SORCS2: variants seen among roughly 807,000 people sequenced by gnomAD.
The protein encoded by SORCS2 is sortilin related VPS10 domain containing receptor 2, also known as VPS10 domain-containing receptor SorCS2.
SORCS2 carries 100 observed loss-of-function variants against 141.6 expected under a neutral mutation model. The ratio of observed to expected loss-of-function variants is 0.71; its 90% CI spans 0.60 to 0.83. The LOEUF is 0.83. SORCS2 is among the 40% of genes least tolerant of loss of function. SORCS2 has a pLI of 0.00. For synonymous variants in SORCS2, 789 were observed against 676.9 expected (o/e 1.17, Z -2.57); for missense variants, 1,646 against 1,560.2 (o/e 1.05, Z -0.93).
At chr4:7,341,198 G>C (rs577982639) in intron 1 of SORCS2, among the ~76,000 whole-genome samples, 10 of 152,362 alleles carry the variant, frequency 6.6e-5, no homozygotes, top group African/African-American at 2.4e-4. Flanking sequence ...CAGTGGTGTG[G>C]AGTAGACCCT....
chr4:7,256,097 C>CT (rs746519434), intron 1 of SORCS2, among the ~76,000 whole-genome samples: 96 of 152,292 alleles, frequency 6.3e-4, no homozygotes, highest in African/African-American at 2.2e-3. Flanking sequence ...CCTCACTTGC[C>CT]TAGGGTCTAC....
chr4:7,387,476 CAT>C, intron 1 of SORCS2, among the ~76,000 whole-genome samples: 1 of 149,520 alleles, frequency 6.7e-6, no homozygotes, highest in Non-Finnish European at 1.5e-5. Flanking sequence ...CAGAGATACA[CAT>C]GCACATACAT....
intron 1 of SORCS2, among the ~76,000 whole-genome samples, chr4:7,338,040 C>G (rs1428965356): frequency 6.6e-6 from 1 of 152,202 alleles, no homozygotes; most frequent in Non-Finnish European, 1.5e-5. Flanking sequence ...GTTTTGAGCT[C>G]TATAGTGACA....
At chr4:7,465,025 C>G (rs1007255528) in intron 2 of SORCS2, among the ~76,000 whole-genome samples, 6 of 152,350 alleles carry the variant, frequency 3.9e-5, no homozygotes, top group South Asian at 2.1e-4. Flanking sequence ...GTTATGTCAC[C>G]TCTCTAGAAA....
intron 4 of SORCS2, among the ~76,000 whole-genome samples, chr4:7,647,030 T>C (rs1451875062): frequency 1.3e-5 from 2 of 152,168 alleles, no homozygotes; most frequent in Non-Finnish European, 2.9e-5. Context: ...CCCGGACTCT[T>C]ACCTGTGGAG....
intron 1 of SORCS2, among the ~76,000 whole-genome samples, chr4:7,227,146 C>T (rs1218901474): frequency 2.0e-5 from 3 of 152,206 alleles, no homozygotes; most frequent in Non-Finnish European, 4.4e-5. Flanking sequence ...GGAGGCCCTG[C>T]GGGACAGGAA....
chr4:7,590,073 A>G (rs144751835), intron 3 of SORCS2, among the ~76,000 whole-genome samples: 440 of 152,286 alleles, frequency 2.9e-3, no homozygotes, highest in African/African-American at 9.6e-3. Flanking sequence ...TGCTGTTGCA[A>G]AGGTCTGTCT....
intron 3 of SORCS2, among the ~76,000 whole-genome samples, chr4:7,577,776 G>A (rs1715862746): frequency 6.6e-6 from 1 of 150,398 alleles, no homozygotes; most frequent in African/African-American, 2.4e-5. Context: ...TACAGGTGAA[G>A]TCAGCTAGTG....
intron 9 of SORCS2, among the ~76,000 whole-genome samples, chr4:7,678,915 C>T (rs997496423): frequency 2.0e-5 from 3 of 152,192 alleles, no homozygotes; most frequent in African/African-American, 7.2e-5. Flanking sequence ...GTAGTGGCAC[C>T]TTCCTCACAG....
chr4:7,579,235 A>G (rs776326447), intron 3 of SORCS2, among the ~76,000 whole-genome samples: 9 of 152,208 alleles, frequency 5.9e-5, no homozygotes, highest in Non-Finnish European at 1.2e-4. Flanking sequence ...ATAATGATGC[A>G]TGGATCATTT....
rs1335961856 is a variant in SORCS2 at position 7,664,794 on chromosome 4, G to A, written c.1071+323G>A. On this transcript the variant is annotated intron_variant, in intron 7 of 26. Transcript: ENST00000507866. This position sits in a 1 kb window ranked among gnomAD's most constrained non-coding sequence, Gnocchi z 4.7. ...TATCAGTGACTTTGGAACTGACCAG[G>A]ACTGCTTCTGGTCCCGGCTCTTGGC... Among the ~76,000 whole-genome samples, 1 of 152,142 alleles carries A rather than the reference G, an allele frequency of 6.6e-6. No individual in the cohort carries two copies. The highest frequency in any genetic ancestry group is 1.5e-5 in the Non-Finnish European group (1 of 68,020).
rs1321741364 is a variant in SORCS2 at position 7,452,309 on chromosome 4, T to C, written c.548+55954T>C. On this transcript the variant is annotated intron_variant, in intron 2 of 26. Transcript: ENST00000507866. ...GCATATGCCACCATGCCTGGGTAAT[T>C]TTTGTATTTTTTAGTAGAGACAGAG... 5.3e-5 allele frequency among the ~76,000 whole-genome samples: 8 copies of C among 151,970 alleles called. No individual in the cohort carries two copies. In the East Asian group the frequency reaches 1.4e-3, roughly 26 times the overall value.
intron 4 of SORCS2, among the ~76,000 whole-genome samples, chr4:7,641,838 G>GTGGGTGGGGGGA (rs879734956): frequency 3.4e-5 from 2 of 59,016 alleles, no homozygotes; most frequent in Admixed American, 2.7e-4. Context: ...GGATGGATGG[G>GTGGGTGGGGGGA]TGGATGGGGA....
intron 1 of SORCS2, among the ~76,000 whole-genome samples, chr4:7,257,810 ACCTGGCCTCCCTGGC>A (rs1306676295): frequency 3.3e-5 from 5 of 152,082 alleles, no homozygotes; most frequent in African/African-American, 9.7e-5. Flanking sequence ...CAGCTTGCTT[ACCTGGCCTCCCTGGC>A]CCTGGCCTCC....
At chr4:7,504,954 C>T (rs1386995542) in intron 2 of SORCS2, among the ~76,000 whole-genome samples, 13 of 152,226 alleles carry the variant, frequency 8.5e-5, no homozygotes. Flanking sequence ...CATGATGCTT[C>T]TTGAACTGGA....
intron 2 of SORCS2, among the ~76,000 whole-genome samples, chr4:7,399,337 A>G (rs1724422540): frequency 6.6e-6 from 1 of 152,168 alleles, no homozygotes; most frequent in South Asian, 2.1e-4. Context: ...GCTATTAAAG[A>G]CACAATTAAT....
intron 2 of SORCS2, among the ~76,000 whole-genome samples, chr4:7,447,304 G>C (rs1728062124): frequency 6.6e-6 from 1 of 152,156 alleles, no homozygotes; most frequent in African/African-American, 2.4e-5. Flanking sequence ...TGTGTGAGCT[G>C]ACTTCTGCCT....
chr4:7,688,038 C>T (rs541628250), intron 10 of SORCS2, among the ~76,000 whole-genome samples: 111 of 152,296 alleles, frequency 7.3e-4, no homozygotes, highest in African/African-American at 2.3e-3. Context: ...CTGCCAACTG[C>T]GGCCACCACC....
chr4:7,549,280 T>G (rs1397437099), intron 3 of SORCS2, among the ~76,000 whole-genome samples: 2 of 152,222 alleles, frequency 1.3e-5, no homozygotes, highest in Non-Finnish European at 2.9e-5. Context: ...CCTGCTTCTT[T>G]CAACTCAGCA....
Sources: gnomAD v4.1 joint callset for allele counts (sites outside exome capture counted in the v4.1 genomes callset) on GRCh38, gnomAD v4.1.1 for gene constraint, Gnocchi (gnomAD v3.1) non-coding constraint, MANE v1.5 for transcripts, NCBI Gene and HGNC (gene_info 2026-07-23, HGNC 2026-07-21) for gene names.